DNER: variants seen among roughly 807,000 people sequenced by gnomAD.
DNER encodes the protein delta and Notch-like epidermal growth factor-related receptor.
Under a neutral mutation model 78.2 loss-of-function variants are expected in DNER, and 33 were observed. The ratio of observed to expected loss-of-function variants is 0.42; its 90% CI spans 0.32 to 0.56. The LOEUF is 0.56. Ranked by LOEUF, DNER falls within the 20% of genes least tolerant of loss-of-function variation. The probability of loss-of-function intolerance (pLI) is 0.11; values close to 1 mark genes in which losing one functional copy is unlikely to be tolerated. For synonymous variants in DNER, 417 were observed against 384.8 expected (o/e 1.08, Z -0.98); for missense variants, 918 against 975.3 (o/e 0.94, Z 0.78).
chr2:229,472,975 G>A (rs957260692), intron 7 of DNER, among the ~76,000 whole-genome samples: 1 of 152,312 alleles, frequency 6.6e-6, no homozygotes, highest in Admixed American at 6.5e-5. Flanking sequence ...GCCCGATTTG[G>A]AACTTTGTGA....
intron 11 of DNER, among the ~76,000 whole-genome samples, chr2:229,372,910 G>C (rs1007344684): frequency 6.6e-6 from 1 of 152,150 alleles, no homozygotes; most frequent in South Asian, 2.1e-4. Context: ...GCCAATTCCT[G>C]GTTTCCTGGC....
chr2:229,558,925 T>C (rs1474740660), intron 4 of DNER, among the ~76,000 whole-genome samples: 1 of 152,126 alleles, frequency 6.6e-6, no homozygotes. Flanking sequence ...AAGATGTGGA[T>C]TCCTTGCCAA....
intron 1 of DNER, among the ~76,000 whole-genome samples, chr2:229,647,512 A>G (rs6728264): frequency 0.028 from 4,282 of 152,336 alleles, 207 homozygotes; most frequent in African/African-American, 0.098. Flanking sequence ...AACTATTACA[A>G]ATATCATAAT....
intron 8 of DNER, among the ~76,000 whole-genome samples, chr2:229,424,337 G>T (rs1207778515): frequency 6.6e-6 from 1 of 152,214 alleles, no homozygotes; most frequent in Non-Finnish European, 1.5e-5. Flanking sequence ...AAAGAAATTT[G>T]CCCAAAGCCA....
At chr2:229,479,481 A>C (rs7569493) in intron 6 of DNER, among the ~76,000 whole-genome samples, 18,967 of 152,122 alleles carry the variant, frequency 0.12, 1,324 homozygotes, top group South Asian at 0.2. Flanking sequence ...GGGAGGTTGA[A>C]GCAGGCAGAT....
chr2:229,463,496 A>G (rs1343905420), intron 7 of DNER, among the ~76,000 whole-genome samples: 4 of 152,210 alleles, frequency 2.6e-5, no homozygotes, highest in African/African-American at 7.2e-5. Flanking sequence ...GCTGGAGTAT[A>G]GTGGCATAAT....
chr2:229,373,421 C>T (rs1434906796), intron 11 of DNER, among the ~76,000 whole-genome samples: 8 of 151,944 alleles, frequency 5.3e-5, no homozygotes, highest in African/African-American at 1.7e-4. Flanking sequence ...GTCAGAATGG[C>T]GATGATTAAA....
At chr2:229,365,222 G>C (rs1301686567) in intron 12 of DNER, among the ~76,000 whole-genome samples, 1 of 152,170 alleles carries the variant, frequency 6.6e-6, no homozygotes, top group Non-Finnish European at 1.5e-5. Flanking sequence ...AAGGAGCACA[G>C]CTGTGAAGGT....
chr2:229,705,293 T>C (rs1441047101), intron 1 of DNER, among the ~76,000 whole-genome samples: 1 of 152,244 alleles, frequency 6.6e-6, no homozygotes, highest in Non-Finnish European at 1.5e-5. Flanking sequence ...AGTACCAGTG[T>C]TGAAATTCTA....
intron 7 of DNER, among the ~76,000 whole-genome samples, chr2:229,474,886 C>A (rs1021185076): frequency 1.3e-5 from 2 of 152,174 alleles, no homozygotes; most frequent in Non-Finnish European, 2.9e-5. Flanking sequence ...CCCTTCCATT[C>A]CTAGCAGCCA....
At chr2:229,594,328 C>A (rs1491000264) in intron 1 of DNER, among the ~76,000 whole-genome samples, 3 of 152,218 alleles carry the variant, frequency 2.0e-5, no homozygotes, top group Non-Finnish European at 4.4e-5. Flanking sequence ...GTGGCTCACG[C>A]CTGTAACCCC....
chr2:229,708,224 C>T (rs894923791), intron 1 of DNER, among the ~76,000 whole-genome samples: 5 of 152,166 alleles, frequency 3.3e-5, no homozygotes, highest in Admixed American at 6.5e-5. Flanking sequence ...ACTGAACAGG[C>T]TATGAAGGAA....
chr2:229,621,190 C>G (rs1242075623), intron 1 of DNER, among the ~76,000 whole-genome samples: 2 of 152,222 alleles, frequency 1.3e-5, no homozygotes, highest in African/African-American at 4.8e-5. Flanking sequence ...ATAATAACTA[C>G]ATGAGTACGC....
intron 1 of DNER, among the ~76,000 whole-genome samples, chr2:229,598,673 GC>G (rs1697768517): frequency 1.3e-5 from 2 of 152,320 alleles, no homozygotes; most frequent in South Asian, 4.1e-4. Context: ...GATAGCGGCA[GC>G]TTTCGGCAAA....
chr2:229,547,010 C>G lies in DNER; in HGVS notation c.930G>C (p.Gly310=). 6.2e-7 allele frequency: 1 copy of G among 1,614,162 alleles called. No individual in the cohort carries two copies. The stretch of plus-strand genomic sequence containing the variant: ...ACTCCAAGTCATTTGCGTGACTCTC[C>G]CCCGGCACACAGGTGCTGACCTTCA... ...LVVKVSTCVP[G]ESHANDLECS... Residue 310 remains glycine, a synonymous_variant, in exon 5 of 13, where the codon GGG becomes GGC. Coordinates refer to ENST00000341772, the MANE Select transcript of DNER (RefSeq NM_139072.4).
intron 5 of DNER, among the ~76,000 whole-genome samples, chr2:229,533,218 C>T (rs186325943): frequency 1.1e-4 from 17 of 152,278 alleles, no homozygotes; most frequent in African/African-American, 4.1e-4. Context: ...ATGGCCTGAA[C>T]CAGAACAGAG....
At chr2:229,585,066 C>A (rs970261881) in intron 4 of DNER, among the ~76,000 whole-genome samples, 1 of 152,078 alleles carries the variant, frequency 6.6e-6, no homozygotes, top group Admixed American at 6.5e-5. Context: ...GAGCTATAAT[C>A]CCACCAGTTA....
intron 8 of DNER, among the ~76,000 whole-genome samples, chr2:229,429,755 C>T (rs1285461604): frequency 6.6e-6 from 1 of 152,236 alleles, no homozygotes; most frequent in African/African-American, 2.4e-5. Context: ...CCAGATTTCA[C>T]CACCCAGGAA....
intron 6 of DNER, among the ~76,000 whole-genome samples, chr2:229,492,515 C>T (rs1695422904): frequency 6.6e-6 from 1 of 152,152 alleles, no homozygotes; most frequent in Non-Finnish European, 1.5e-5. Context: ...CAAAGATGGG[C>T]CCCGAGTGAA....
Sources: allele counts gnomAD v4.1 joint callset (sites outside exome capture counted in the v4.1 genomes callset), GRCh38; gene constraint gnomAD v4.1.1; transcripts MANE v1.5; gene names NCBI Gene and HGNC (gene_info 2026-07-23, HGNC 2026-07-21).